The following DIAPH2 variants were observed in gnomAD, a reference collection of about 807,000 sequenced individuals.
DIAPH2 encodes the protein protein diaphanous homolog 2.
A neutral mutation model predicts 92.7 loss-of-function variants in DIAPH2; 35 were observed. The observed-to-expected ratio is 0.38, with a 90% CI of 0.29 to 0.50. The LOEUF is 0.50. Ranked by LOEUF, DIAPH2 falls within the 20% of genes least tolerant of loss-of-function variation. The pLI is 0.94. For synonymous variants in DIAPH2, 301 were observed against 280.4 expected, an observed-to-expected ratio of 1.07 and a Z score of -0.73; for missense variants, 701 against 819.5, an observed-to-expected ratio of 0.86 and a Z score of 1.77.
intron 26 of DIAPH2, among the ~76,000 whole-genome samples, chrX:97,438,219 GA>G (rs1178906164): frequency 1.8e-5 from 2 of 108,233 alleles, no homozygotes; most frequent in African/African-American, 6.7e-5. Flanking sequence ...ACATCCTATA[GA>G]AAAGCTAGGC....
At chrX:97,379,023 T>G (rs1012454650) in intron 24 of DIAPH2, among the ~76,000 whole-genome samples, 1 of 112,017 alleles carries the variant, frequency 8.9e-6, no homozygotes, top group Non-Finnish European at 1.9e-5. Context: ...GATACTGTAA[T>G]GAACTGAAAG....
At chrX:96,894,873 G>GCATTTCACAACTTAT (rs2065332381) in intron 5 of DIAPH2, among the ~76,000 whole-genome samples, 1 of 109,383 alleles carries the variant, frequency 9.1e-6, no homozygotes, top group Admixed American at 9.8e-5. Flanking sequence ...ATTTCACAAT[G>GCATTTCACAACTTAT]TGCTTAGAAA....
chrX:97,291,961 C>T (rs1427484031), intron 23 of DIAPH2, among the ~76,000 whole-genome samples: 2 of 111,877 alleles, frequency 1.8e-5, no homozygotes, highest in East Asian at 5.6e-4. Context: ...CCAAAAATTA[C>T]ATGACTAGTG....
At chrX:97,114,305 T>C (rs956863800) in intron 20 of DIAPH2, among the ~76,000 whole-genome samples, 1 of 112,139 alleles carries the variant, frequency 8.9e-6, no homozygotes, top group Admixed American at 9.5e-5. Context: ...TCTTAGGAAA[T>C]GTTCCAGTTA....
intron 8 of DIAPH2, among the ~76,000 whole-genome samples, chrX:96,917,640 G>A (rs895678006): frequency 9.0e-6 from 1 of 111,263 alleles, no homozygotes; most frequent in Non-Finnish European, 1.9e-5. Flanking sequence ...TTTGATAAGA[G>A]TAGTATACTA....
At chrX:96,802,520 G>C (rs1328525941) in intron 4 of DIAPH2, among the ~76,000 whole-genome samples, 1 of 111,725 alleles carries the variant, frequency 9.0e-6, no homozygotes. Flanking sequence ...GCAGACATTT[G>C]TGTTTTTGGT....
intron 13 of DIAPH2, among the ~76,000 whole-genome samples, chrX:96,944,331 TAAAC>T (rs758501193): frequency 6.3e-5 from 7 of 111,901 alleles, no homozygotes; most frequent in African/African-American, 1.9e-4. Flanking sequence ...TCAGTTGCTT[TAAAC>T]AAACAAACAA....
chrX:96,935,171 G>A (rs1161969410), intron 10 of DIAPH2, among the ~76,000 whole-genome samples: 4 of 111,529 alleles, frequency 3.6e-5, no homozygotes, highest in African/African-American at 9.8e-5. Flanking sequence ...GATAGTTCAC[G>A]TTTTAAAATA....
chrX:97,446,370 G>C (rs1486313487), intron 26 of DIAPH2, among the ~76,000 whole-genome samples: 1 of 111,818 alleles, frequency 8.9e-6, no homozygotes, highest in Non-Finnish European at 1.9e-5. Flanking sequence ...ATGTAGAACA[G>C]GTTGGTAGGT....
At chrX:97,380,973 A>T (rs1380096338) in intron 24 of DIAPH2, among the ~76,000 whole-genome samples, 1 of 111,655 alleles carries the variant, frequency 9.0e-6, no homozygotes, top group Non-Finnish European at 1.9e-5. Context: ...TTCCTGAAAC[A>T]TTTCAGATAT....
intron 21 of DIAPH2, among the ~76,000 whole-genome samples, chrX:97,138,929 A>G (rs150998326): frequency 7.7e-4 from 86 of 111,675 alleles, no homozygotes; most frequent in African/African-American, 2.8e-3. Context: ...CTAGGCAACT[A>G]TTAATTGGAT....
At chrX:97,058,649 A>G (rs1000430536) in intron 17 of DIAPH2, among the ~76,000 whole-genome samples, 3 of 110,369 alleles carry the variant, frequency 2.7e-5, no homozygotes, top group Non-Finnish European at 5.7e-5. Context: ...CTCTGGGCTC[A>G]ACACTTCAGG....
At chrX:97,437,719 A>G (rs142298280) in intron 26 of DIAPH2, among the ~76,000 whole-genome samples, 1,353 of 108,807 alleles carry the variant, frequency 0.012, 26 homozygotes, top group African/African-American at 0.043. Context: ...TTGTTGTAGC[A>G]AAGAGCCAGC....
At chrX:97,356,794 A>AT (rs1461966134) in intron 24 of DIAPH2, among the ~76,000 whole-genome samples, 1 of 110,827 alleles carries the variant, frequency 9.0e-6, no homozygotes, top group Admixed American at 9.6e-5. Context: ...CCCTAACATG[A>AT]TAAAAAAAAA....
At chrX:97,046,093 T>C (rs1284406209) in intron 17 of DIAPH2, among the ~76,000 whole-genome samples, 1 of 108,034 alleles carries the variant, frequency 9.3e-6, no homozygotes, top group African/African-American at 3.4e-5. Flanking sequence ...CTGACCTCAG[T>C]TGATCTGCCT....
intron 23 of DIAPH2, among the ~76,000 whole-genome samples, chrX:97,302,853 G>A (rs947638491): frequency 1.8e-5 from 2 of 111,050 alleles, no homozygotes; most frequent in South Asian, 3.8e-4. Context: ...GCGCGGTGTC[G>A]TGCGCCTATA....
intron 3 of DIAPH2, among the ~76,000 whole-genome samples, chrX:96,744,809 A>G (rs2064139922): frequency 9.0e-6 from 1 of 111,416 alleles, no homozygotes. Flanking sequence ...CTTTCCTTGT[A>G]CAAATAACGT....
chrX:96,952,710 G>A (rs1356043774), intron 15 of DIAPH2, among the ~76,000 whole-genome samples: 1 of 110,208 alleles, frequency 9.1e-6, no homozygotes, highest in Non-Finnish European at 1.9e-5. Flanking sequence ...ACTCCAGCCT[G>A]GGCAACAAGA....
intron 23 of DIAPH2, among the ~76,000 whole-genome samples, chrX:97,321,078 C>T (rs1045781168): frequency 2.2e-4 from 24 of 111,062 alleles, no homozygotes; most frequent in African/African-American, 7.8e-4. Flanking sequence ...TTTAGAATAC[C>T]ATTATACAAT....
Sources: gnomAD v4.1 joint callset for allele counts (sites outside exome capture counted in the v4.1 genomes callset) on GRCh38, gnomAD v4.1.1 for gene constraint, MANE v1.5 for transcripts, NCBI Gene and HGNC (gene_info 2026-07-23, HGNC 2026-07-21) for gene names.